The following PHACTR1 variants were observed in gnomAD, a reference collection of about 807,000 sequenced individuals.
The protein encoded by PHACTR1 is phosphatase and actin regulator 1, also known as RPEL repeat containing 1.
In PHACTR1, 16 loss-of-function variants were observed where a neutral mutation model predicts 69.2. The observed-to-expected ratio is 0.23, with a 90% CI of 0.16 to 0.35. The LOEUF is 0.35. Among genes scored for constraint, PHACTR1 ranks in the 10% least tolerant of loss-of-function variants. The pLI is 1.00. For missense variants in PHACTR1, 510 were observed against 734.7 expected (o/e 0.69, Z 3.54); for synonymous variants, 312 against 284.5 (o/e 1.10, Z -0.97).
chr6:12,938,176 A>G (rs561600579), intron 4 of PHACTR1, among the ~76,000 whole-genome samples: 1 of 152,250 alleles, frequency 6.6e-6, no homozygotes, highest in East Asian at 1.9e-4. Flanking sequence ...TAAGCACCTA[A>G]CAAACATTAA....
At chr6:12,926,600 C>T (rs1788289306) in intron 4 of PHACTR1, among the ~76,000 whole-genome samples, 1 of 152,246 alleles carries the variant, frequency 6.6e-6, no homozygotes. Flanking sequence ...GACTCATATC[C>T]TTGTCCCCAT....
At chr6:12,832,438 C>T (rs990566668) in intron 4 of PHACTR1, among the ~76,000 whole-genome samples, 8 of 152,188 alleles carry the variant, frequency 5.3e-5, no homozygotes, top group East Asian at 1.9e-4. Context: ...AAAAATAAGC[C>T]GCTCTAGAAC....
chr6:13,141,724 CTTTTTTTTT>C (rs577073698), intron 5 of PHACTR1, among the ~76,000 whole-genome samples: 10 of 89,808 alleles, frequency 1.1e-4, no homozygotes, highest in East Asian at 3.5e-4. Context: ...TTTCTTCTTT[CTTTTTTTTT>C]TTTTTTTTTT....
chr6:13,068,129 C>G (rs1808942450), intron 5 of PHACTR1, among the ~76,000 whole-genome samples: 1 of 152,138 alleles, frequency 6.6e-6, no homozygotes, highest in Non-Finnish European at 1.5e-5. Flanking sequence ...CCAGCCTGGG[C>G]AACACGGTGA....
chr6:13,053,346 C>G lies in PHACTR1; in HGVS notation c.251-19C>G. ...TTTTTTTCTCTCTTTGTTTTCATCT[C>G]TTTCTTGGAAATAACAAGCTGAGGA... On this transcript the variant is annotated intron_variant, in intron 4 of 14. Transcript: ENST00000332995. 6.3e-7 allele frequency: 1 copy of G among 1,582,718 alleles called. No homozygotes were observed. The highest frequency in any genetic ancestry group is 1.2e-5 in the South Asian group (1 of 85,978).
intron 5 of PHACTR1, among the ~76,000 whole-genome samples, chr6:13,149,276 G>A (rs1292206649): frequency 6.6e-6 from 1 of 152,158 alleles, no homozygotes; most frequent in Non-Finnish European, 1.5e-5. Context: ...GGGAGGAACG[G>A]TGAAACTGAG....
chr6:12,757,775 T>C (rs1767510092), intron 4 of PHACTR1, among the ~76,000 whole-genome samples: 1 of 152,086 alleles, frequency 6.6e-6, no homozygotes, highest in Non-Finnish European at 1.5e-5. Flanking sequence ...GAAAGACATG[T>C]CAAGTGTAAG....
chr6:13,050,773 C>T lies in PHACTR1; in HGVS notation c.251-2592C>T, dbSNP rs548475541. Among the ~76,000 whole-genome samples, 4 of 152,332 alleles carry T rather than the reference C, an allele frequency of 2.6e-5. 1 individual carries two copies. The East Asian group carries it at 7.7e-4, about 29-fold the overall frequency. On this transcript the variant is annotated intron_variant, in intron 4 of 14. Coordinates refer to ENST00000332995, the MANE Select transcript of PHACTR1 (RefSeq NM_030948.6). Reference sequence around the variant, plus strand: ...GAGCTGCCATCCTATTCTGCTTCTTCCTTTATCATCAAATTCTTTAAAACA... The same window carrying T: ...GAGCTGCCATCCTATTCTGCTTCTTTCTTTATCATCAAATTCTTTAAAACA...
At chr6:12,903,150 A>G (rs553159418) in intron 4 of PHACTR1, among the ~76,000 whole-genome samples, 1 of 152,258 alleles carries the variant, frequency 6.6e-6, no homozygotes, top group Non-Finnish European at 1.5e-5. Flanking sequence ...AGACTTGGCC[A>G]CCTTCCTTAA....
At chr6:13,253,241 C>T (rs1357016995) in intron 10 of PHACTR1, among the ~76,000 whole-genome samples, 1 of 152,158 alleles carries the variant, frequency 6.6e-6, no homozygotes, top group Non-Finnish European at 1.5e-5. Context: ...GAGGAATCCA[C>T]GTGTTGCAGT....
At chr6:13,064,827 A>G (rs1808376746) in intron 5 of PHACTR1, among the ~76,000 whole-genome samples, 1 of 151,118 alleles carries the variant, frequency 6.6e-6, no homozygotes, top group African/African-American at 2.4e-5. Flanking sequence ...AGGAACGCAA[A>G]AAGTCAACTT....
chr6:12,960,310 C>T (rs1262331740), intron 4 of PHACTR1, among the ~76,000 whole-genome samples: 1 of 152,184 alleles, frequency 6.6e-6, no homozygotes, highest in Non-Finnish European at 1.5e-5. Flanking sequence ...GTCTAGTGAC[C>T]ACAAAGTACT....
intron 4 of PHACTR1, among the ~76,000 whole-genome samples, chr6:12,809,000 C>T (rs770251994): frequency 1.3e-5 from 2 of 152,056 alleles, no homozygotes; most frequent in African/African-American, 4.8e-5. Flanking sequence ...ACTTCAGCCT[C>T]CTGGGTAGCT....
At position 13,122,366 on chromosome 6, in the gene PHACTR1, AG is replaced by A. The variant is rs1269269868; in HGVS notation, c.416-37835del. Reference sequence around the variant, plus strand: ...AATTAGGTGAAGTTGAACCCTCCCAAGGGAAGAGATGTGGTGAGCTTCCTCC... The same window carrying A: ...AATTAGGTGAAGTTGAACCCTCCCAAGGAAGAGATGTGGTGAGCTTCCTCC... On this transcript the variant is annotated intron_variant, in intron 5 of 14. Coordinates refer to ENST00000332995, the MANE Select transcript of PHACTR1 (RefSeq NM_030948.6). 5.9e-5 allele frequency among the ~76,000 whole-genome samples: 9 copies of A among 152,182 alleles called. No homozygotes were observed. In the East Asian group the frequency reaches 1.7e-3, roughly 29 times the overall value.
intron 4 of PHACTR1, among the ~76,000 whole-genome samples, chr6:12,836,051 C>T (rs1224498471): frequency 2.0e-5 from 3 of 152,076 alleles, no homozygotes; most frequent in African/African-American, 4.8e-5. Context: ...TTATTTAAAA[C>T]CACAAAACAA....
chr6:13,286,969 C>A lies in PHACTR1; in HGVS notation c.1728-94C>A, dbSNP rs963816782. 12 of 1,388,198 alleles carry A rather than the reference C, an allele frequency of 8.6e-6. No individual in the cohort carries two copies. The African/African-American group carries it at 1.7e-4, about 20-fold the overall frequency. 86.0% of individuals were successfully genotyped at this position (1,388,198 alleles called of 1,614,324 possible). A position where few individuals can be genotyped will look rare whatever the true frequency, so the allele number is the denominator to read the frequency against. On this transcript the variant is annotated intron_variant, in intron 14 of 14. Coordinates refer to ENST00000332995, the MANE Select transcript of PHACTR1 (RefSeq NM_030948.6). ...GTGGGAAGCTCGCACCTCCCTCTCA[C>A]GGTCAAGAACCTCCCTGAAGATGGG...
At chr6:13,024,619 C>T (rs1390661758) in intron 4 of PHACTR1, among the ~76,000 whole-genome samples, 1 of 152,018 alleles carries the variant, frequency 6.6e-6, no homozygotes, top group Non-Finnish European at 1.5e-5. Flanking sequence ...TTTTGCCTGC[C>T]CAAAGCCTTA....
At chr6:13,009,792 T>C (rs1799228836) in intron 4 of PHACTR1, among the ~76,000 whole-genome samples, 1 of 152,118 alleles carries the variant, frequency 6.6e-6, no homozygotes, top group African/African-American at 2.4e-5. Context: ...GCCAGGCCAA[T>C]GGCTGCCCAT....
intron 4 of PHACTR1, among the ~76,000 whole-genome samples, chr6:12,790,573 C>T (rs1772145056): frequency 6.6e-6 from 1 of 152,186 alleles, no homozygotes; most frequent in Non-Finnish European, 1.5e-5. Flanking sequence ...ACCAGTGATC[C>T]TTGTCTGTTT....
Sources: gnomAD v4.1 joint callset for allele counts (sites outside exome capture counted in the v4.1 genomes callset) on GRCh38, gnomAD v4.1.1 for gene constraint, MANE v1.5 for transcripts, NCBI Gene and HGNC (gene_info 2026-07-23, HGNC 2026-07-21) for gene names.